GAS7: variants seen among roughly 807,000 people sequenced by gnomAD.
The protein encoded by GAS7 is growth arrest specific 7, also known as growth arrest-specific protein 7.
GAS7 carries 28 observed loss-of-function variants against 71.1 expected under a neutral mutation model. The observed-to-expected ratio is 0.39, with a 90% CI of 0.29 to 0.54. GAS7 has a LOEUF of 0.54. Among genes scored for constraint, GAS7 ranks in the 20% least tolerant of loss-of-function variants. The pLI, the probability that GAS7 is intolerant of heterozygous loss-of-function variation, is 0.62. For missense variants in GAS7, 436 were observed against 627.8 expected, an observed-to-expected ratio of 0.69 and a Z score of 3.27; for synonymous variants, 258 against 245.8, an observed-to-expected ratio of 1.05 and a Z score of -0.46.
chr17:10,094,714 C>T (rs991421360), intron 1 of GAS7, among the ~76,000 whole-genome samples: 3 of 152,070 alleles, frequency 2.0e-5, no homozygotes, highest in East Asian at 1.9e-4. Flanking sequence ...ATGATCCGCC[C>T]GCCTCGGCCT....
chr17:10,113,605 C>T (rs771658199), intron 1 of GAS7, among the ~76,000 whole-genome samples: 17 of 152,170 alleles, frequency 1.1e-4, no homozygotes, highest in Non-Finnish European at 8.8e-5. Context: ...CCACAGAGAT[C>T]GCATTTTTCC....
intron 1 of GAS7, among the ~76,000 whole-genome samples, chr17:10,172,833 C>G (rs1029871240): frequency 3.9e-5 from 6 of 152,220 alleles, no homozygotes; most frequent in African/African-American, 1.2e-4. Flanking sequence ...GCAGTCTCAA[C>G]AAAAGACTAA....
intron 1 of GAS7, among the ~76,000 whole-genome samples, chr17:10,189,339 T>C (rs1485816580): frequency 6.6e-6 from 1 of 152,148 alleles, no homozygotes; most frequent in Non-Finnish European, 1.5e-5. Context: ...ACTGGTCTCC[T>C]TGCCTCCCCT....
chr17:9,968,580 C>T (rs1199728279), intron 4 of GAS7, among the ~76,000 whole-genome samples: 3 of 152,230 alleles, frequency 2.0e-5, no homozygotes, highest in East Asian at 3.8e-4. Context: ...ACACTCTTGT[C>T]CATGATAAAG....
intron 1 of GAS7, among the ~76,000 whole-genome samples, chr17:10,060,257 G>A (rs758977293): frequency 3.9e-5 from 6 of 152,180 alleles, no homozygotes; most frequent in African/African-American, 7.2e-5. Flanking sequence ...ACGAAGAGTC[G>A]AGAGGCCACC....
intron 8 of GAS7, among the ~76,000 whole-genome samples, chr17:9,934,640 TC>T (rs1433944974): frequency 6.6e-6 from 1 of 152,086 alleles, no homozygotes; most frequent in Non-Finnish European, 1.5e-5. Flanking sequence ...AGCTTTCACA[TC>T]ACCCCTCCCT....
chr17:10,122,937 TC>T (rs2073916410), intron 1 of GAS7, among the ~76,000 whole-genome samples: 1 of 152,092 alleles, frequency 6.6e-6, no homozygotes, highest in African/African-American at 2.4e-5. Context: ...CTCTGAGCAA[TC>T]CTCCCACCTC....
chr17:9,991,534 C>T (rs2070843011), intron 2 of GAS7, among the ~76,000 whole-genome samples: 1 of 152,112 alleles, frequency 6.6e-6, no homozygotes, highest in South Asian at 2.1e-4. Flanking sequence ...CTCCAGCCTG[C>T]ACAGAGGGCC....
intron 1 of GAS7, among the ~76,000 whole-genome samples, chr17:10,058,119 G>T (rs113049613): frequency 6.6e-6 from 1 of 152,176 alleles, no homozygotes; most frequent in African/African-American, 2.4e-5. Flanking sequence ...GCGGAAGGCC[G>T]CAGGGTCCTC....
chr17:10,148,314 CCT>C (rs937086731), intron 1 of GAS7, among the ~76,000 whole-genome samples: 5 of 152,002 alleles, frequency 3.3e-5, no homozygotes, highest in Non-Finnish European at 7.4e-5. Flanking sequence ...GGTTAAGAAT[CCT>C]CTCTCAGTTA....
intron 3 of GAS7, among the ~76,000 whole-genome samples, chr17:9,979,728 C>T (rs111478593): frequency 1.3e-5 from 2 of 152,226 alleles, no homozygotes; most frequent in Non-Finnish European, 2.9e-5. Flanking sequence ...GCCGGCCTCC[C>T]TGTCCTGTCC....
intron 9 of GAS7, among the ~76,000 whole-genome samples, chr17:9,931,900 G>A (rs117100812): frequency 1.8e-4 from 27 of 152,114 alleles, no homozygotes; most frequent in Middle Eastern, 3.4e-3. Flanking sequence ...TCTGTGTGCC[G>A]AGTACCACCA....
In GAS7 at chr17:9,926,089, T is replaced by A. The variant is rs757790562; in HGVS notation, c.1015-490A>T. 2.6e-5 allele frequency among the ~76,000 whole-genome samples: 4 copies of A among 151,788 alleles called. No individual in the cohort carries two copies. The highest frequency in any genetic ancestry group is 5.9e-5 in the Non-Finnish European group (4 of 67,952). On this transcript the variant is annotated intron_variant, in intron 10 of 13. Transcript: ENST00000432992. The surrounding 1 kb of genome is among the most constrained non-coding windows in gnomAD (Gnocchi z 5.0). ...CTCTGTGGTCCTTGGGTGGCGGCAG[T>A]TGGCTGGGCCCAGGGTGTCCCAGCA... is the stretch of plus-strand genomic sequence containing the variant.
chr17:10,118,817 C>A (rs1411734961), intron 1 of GAS7, among the ~76,000 whole-genome samples: 5 of 151,794 alleles, frequency 3.3e-5, no homozygotes, highest in Non-Finnish European at 7.4e-5. Flanking sequence ...GCAGGCCCAG[C>A]GCAGGTGGCC....
chr17:10,024,939 C>T (rs190808269), intron 1 of GAS7, among the ~76,000 whole-genome samples: 1 of 152,314 alleles, frequency 6.6e-6, no homozygotes, highest in Admixed American at 6.5e-5. Flanking sequence ...CACCAAATAT[C>T]TATAATGCAT....
intron 1 of GAS7, among the ~76,000 whole-genome samples, chr17:10,053,030 G>C (rs1196970908): frequency 6.6e-6 from 1 of 152,226 alleles, no homozygotes; most frequent in Non-Finnish European, 1.5e-5. Context: ...TGGTCTCTGA[G>C]TAGGGTTTTC....
chr17:10,178,620 G>T (rs1355412233), intron 1 of GAS7, among the ~76,000 whole-genome samples: 1 of 145,744 alleles, frequency 6.9e-6, no homozygotes, highest in Non-Finnish European at 1.5e-5. Context: ...TAATCAGCAT[G>T]CATTAGTAAT....
intron 1 of GAS7, among the ~76,000 whole-genome samples, chr17:10,145,461 G>A (rs146503469): frequency 1.3e-5 from 2 of 152,336 alleles, no homozygotes; most frequent in Non-Finnish European, 2.9e-5. Context: ...GCTCTAGGAA[G>A]GAGGCAGTAG....
At chr17:10,010,736 G>C (rs1413705075) in intron 2 of GAS7, among the ~76,000 whole-genome samples, 2 of 152,162 alleles carry the variant, frequency 1.3e-5, no homozygotes, top group African/African-American at 4.8e-5. Context: ...CTATCATAAA[G>C]CCTATTTTGT....
Sources: gnomAD v4.1 joint callset for allele counts (sites outside exome capture counted in the v4.1 genomes callset) on GRCh38, gnomAD v4.1.1 for gene constraint, Gnocchi (gnomAD v3.1) non-coding constraint, MANE v1.5 for transcripts, NCBI Gene and HGNC (gene_info 2026-07-23, HGNC 2026-07-21) for gene names.